Variants in CTNNBIP1 observed in about 807,000 individuals in gnomAD.
The protein encoded by CTNNBIP1 is catenin beta interacting protein 1, also known as beta-catenin-interacting protein 1.
CTNNBIP1 carries 7 observed loss-of-function variants against 11.8 expected under a neutral mutation model. That is an observed-to-expected ratio of 0.60 (90% CI 0.34 to 1.12). CTNNBIP1 has a LOEUF of 1.12. Among genes scored for constraint, CTNNBIP1 ranks in the 50% most tolerant of loss-of-function variants. The pLI is 0.03. For synonymous variants in CTNNBIP1, 58 were observed against 43.9 expected, an observed-to-expected ratio of 1.32 and a Z score of -1.26; for missense variants, 101 against 113.4, an observed-to-expected ratio of 0.89 and a Z score of 0.50.
chr1:9,871,920 G>A lies in CTNNBIP1; in HGVS notation c.96+49C>T. ...CAATAGCCCAGCAGGGCCCCTCCCT[G>A]GGAGACCCTCCCTGGGGGCCCGCTG... On this transcript the variant is annotated intron_variant, in intron 4 of 5. Coordinates refer to ENST00000377263, the MANE Select transcript of CTNNBIP1 (RefSeq NM_020248.3). This position sits in a 1 kb window ranked among gnomAD's most constrained non-coding sequence, Gnocchi z 5.2. The A allele has an allele frequency of 6.5e-7, 1 of 1,527,442 alleles. No individual in the cohort carries two copies. The highest frequency in any genetic ancestry group is 9.1e-7 in the Non-Finnish European group (1 of 1,101,968). The allele number at this position is 1,527,442 out of a possible 1,614,324, so 94.6% of individuals were successfully genotyped here.
chr1:9,894,649 T>A (rs1639373477), intron 1 of CTNNBIP1, among the ~76,000 whole-genome samples: 1 of 151,942 alleles, frequency 6.6e-6, no homozygotes, highest in African/African-American at 2.4e-5. Flanking sequence ...CACCTCAGCC[T>A]CCCAAATAGC....
chr1:9,862,992 G>C (rs1402561768), intron 5 of CTNNBIP1, among the ~76,000 whole-genome samples: 3 of 152,200 alleles, frequency 2.0e-5, no homozygotes, highest in Non-Finnish European at 2.9e-5. Context: ...GGACTTCTCT[G>C]AGGCCATTCG....
In CTNNBIP1 at chr1:9,867,712, G is replaced by C. The variant is rs1335361657; in HGVS notation, c.187+3475C>G. 1.3e-5 allele frequency among the ~76,000 whole-genome samples: 2 copies of C among 152,154 alleles called. No individual in the cohort carries two copies. The highest frequency in any genetic ancestry group is 4.8e-5 in the African/African-American group (2 of 41,416). On this transcript the variant is annotated intron_variant, in intron 5 of 5. Coordinates refer to ENST00000377263, the MANE Select transcript of CTNNBIP1 (RefSeq NM_020248.3). The surrounding 1 kb of genome is among the most constrained non-coding windows in gnomAD (Gnocchi z 4.6). ...TTACCCACAGGCTCCAGGCCTTTGG[G>C]GTTCATTATGGCAGTCTCTGCACCC... is the stretch of plus-strand genomic sequence containing the variant.
In CTNNBIP1 at chr1:9,871,354, G is replaced by T; in HGVS notation, c.97-77C>A. On this transcript the variant is annotated intron_variant, in intron 4 of 5. Transcript: ENST00000377263. The surrounding 1 kb of genome is among the most constrained non-coding windows in gnomAD (Gnocchi z 5.2). ...AGGCACCTGCACCCCTAGAGGCACC[G>T]CCTAGGCCTGCTTGGTCCCTGCTTG... 1 of 1,067,270 alleles carries T rather than the reference G, an allele frequency of 9.4e-7. No homozygotes were observed. 66.1% of individuals were successfully genotyped at this position (1,067,270 alleles called of 1,614,324 possible).
In CTNNBIP1 at chr1:9,883,990, GGGAAGGA is replaced by G. The variant is rs1249657420; in HGVS notation, c.-143-259_-143-253del. ...GTGGGCAGGAGGGAGGGAATCCATG[GGGAAGGA>G]GGAAGGAGGAGGAGGGCAGGGAGCA... On this transcript the variant is annotated intron_variant, in intron 1 of 5. Transcript: ENST00000377263. This position sits in a 1 kb window ranked among gnomAD's most constrained non-coding sequence, Gnocchi z 5.6. 6.6e-6 allele frequency among the ~76,000 whole-genome samples: 1 copy of G among 152,152 alleles called. No homozygotes were observed. Among genetic ancestry groups the G allele is most frequent in the African/African-American group, 2.4e-5 (1 of 41,432 alleles).
intron 5 of CTNNBIP1, among the ~76,000 whole-genome samples, chr1:9,862,602 C>T (rs1305904681): frequency 6.6e-6 from 1 of 152,200 alleles, no homozygotes; most frequent in African/African-American, 2.4e-5. Context: ...GACCTCCACC[C>T]GACCCCAAGC....
intron 1 of CTNNBIP1, among the ~76,000 whole-genome samples, chr1:9,900,681 A>G (rs1442547195): frequency 6.6e-6 from 1 of 152,198 alleles, no homozygotes; most frequent in African/African-American, 2.4e-5. Context: ...GAGCTCCCTT[A>G]CATCCCACCA....
At chr1:9,906,176 G>A (rs1455539440) in intron 1 of CTNNBIP1, among the ~76,000 whole-genome samples, 1 of 152,228 alleles carries the variant, frequency 6.6e-6, no homozygotes, top group Non-Finnish European at 1.5e-5. Context: ...GAGAGATTAA[G>A]TTACCTGCTG....
chr1:9,882,486 G>A (rs1215356866), intron 2 of CTNNBIP1, among the ~76,000 whole-genome samples: 2 of 152,214 alleles, frequency 1.3e-5, no homozygotes, highest in Non-Finnish European at 2.9e-5. Flanking sequence ...TGGCATACAC[G>A]TAGGAAGGCC....
At chr1:9,906,664 G>C (rs1006482898) in intron 1 of CTNNBIP1, among the ~76,000 whole-genome samples, 1 of 152,230 alleles carries the variant, frequency 6.6e-6, no homozygotes, top group Non-Finnish European at 1.5e-5. Context: ...AGGATGGAGA[G>C]AGCAGATCCA....
In CTNNBIP1 at chr1:9,871,976, C is replaced by T. The variant is rs777156046; in HGVS notation, c.89G>A (p.Gly30Glu). 6.2e-7 allele frequency: 1 copy of T among 1,614,034 alleles called. No individual in the cohort carries two copies. The highest frequency in any genetic ancestry group is 8.5e-7 in the Non-Finnish European group (1 of 1,179,888). Reference sequence around the variant, plus strand: ...CACCCCACAGGCACTCACGTTTGATCCCATCTTCCGCAGCATGAGCAGCAC... The same window carrying T: ...CACCCCACAGGCACTCACGTTTGATTCCATCTTCCGCAGCATGAGCAGCAC... ...VRVLLMLRKM[G>E]SNLTASEEEF... The change falls in exon 4 of 6, where the codon GGA becomes GAA. Residue 30 changes from glycine to glutamate, a missense_variant. Transcript: ENST00000377263. The surrounding 1 kb of genome is among the most constrained non-coding windows in gnomAD (Gnocchi z 5.2).
intron 1 of CTNNBIP1, among the ~76,000 whole-genome samples, chr1:9,889,323 C>T (rs1639249332): frequency 6.6e-6 from 1 of 152,216 alleles, no homozygotes; most frequent in African/African-American, 2.4e-5. Flanking sequence ...TATCTAGAGA[C>T]ATTTTTGATT....
chr1:9,861,655 G>C (rs762558694), intron 5 of CTNNBIP1, among the ~76,000 whole-genome samples: 1 of 152,174 alleles, frequency 6.6e-6, no homozygotes, highest in Non-Finnish European at 1.5e-5. Context: ...GACGTGCATC[G>C]AGCTGCCAAG....
chr1:9,898,289 G>A (rs1219463990), intron 1 of CTNNBIP1, among the ~76,000 whole-genome samples: 1 of 152,104 alleles, frequency 6.6e-6, no homozygotes, highest in African/African-American at 2.4e-5. Context: ...CCTTTGGGAG[G>A]CCAAGGTGGG....
intron 2 of CTNNBIP1, among the ~76,000 whole-genome samples, chr1:9,879,154 G>C (rs1015059858): frequency 7.3e-5 from 11 of 151,690 alleles, no homozygotes; most frequent in Non-Finnish European, 1.6e-4. Context: ...CTGACATCGC[G>C]CCACTACACT....
intron 1 of CTNNBIP1, among the ~76,000 whole-genome samples, chr1:9,890,481 C>T (rs1032398173): frequency 2.0e-5 from 3 of 152,198 alleles, no homozygotes; most frequent in Non-Finnish European, 2.9e-5. Context: ...CTGGCCAAGT[C>T]AGAGCCTGAG....
chr1:9,854,762 C>T (rs567974759), intron 5 of CTNNBIP1, among the ~76,000 whole-genome samples: 2 of 152,096 alleles, frequency 1.3e-5, no homozygotes, highest in South Asian at 2.1e-4. Context: ...CTGCAACCTC[C>T]GCCTCCCAGG....
intron 5 of CTNNBIP1, among the ~76,000 whole-genome samples, chr1:9,862,060 G>A (rs983912026): frequency 2.0e-5 from 3 of 147,966 alleles, no homozygotes; most frequent in African/African-American, 7.4e-5. Flanking sequence ...CCTGCTGAGC[G>A]TGACACACAC....
At chr1:9,863,041 G>A (rs1357326338) in intron 5 of CTNNBIP1, among the ~76,000 whole-genome samples, 3 of 152,198 alleles carry the variant, frequency 2.0e-5, no homozygotes, top group Non-Finnish European at 2.9e-5. Context: ...AACCCATGAC[G>A]CGGGGTGATG....
Sources: allele counts gnomAD v4.1 joint callset (sites outside exome capture counted in the v4.1 genomes callset), GRCh38; gene constraint gnomAD v4.1.1; non-coding constraint Gnocchi (gnomAD v3.1); transcripts MANE v1.5; gene names NCBI Gene and HGNC (gene_info 2026-07-23, HGNC 2026-07-21).